Variants in PLXNA4 observed in about 807,000 individuals in gnomAD.
PLXNA4 encodes plexin-A4.
A neutral mutation model predicts 191.8 loss-of-function variants in PLXNA4; 44 were observed. That is an observed-to-expected ratio of 0.23 (90% CI 0.18 to 0.29). The LOEUF is 0.29. Ranked by LOEUF, PLXNA4 falls within the 10% of genes least tolerant of loss-of-function variation. The pLI, the probability that PLXNA4 is intolerant of heterozygous loss-of-function variation, is 1.00. For synonymous variants in PLXNA4, 1,082 were observed against 1,009.5 expected, an observed-to-expected ratio of 1.07 and a Z score of -1.36; for missense variants, 1,800 against 2,488.8, an observed-to-expected ratio of 0.72 and a Z score of 5.89.
At chr7:132,275,265 G>C (rs1012354747) in intron 4 of PLXNA4, among the ~76,000 whole-genome samples, 1 of 152,092 alleles carries the variant, frequency 6.6e-6, no homozygotes, top group African/African-American at 2.4e-5. Flanking sequence ...AAGTTGTAAA[G>C]ATAGTAAAGA....
At chr7:132,636,531 G>T (rs903138538) in intron 2 of PLXNA4, among the ~76,000 whole-genome samples, 1 of 152,180 alleles carries the variant, frequency 6.6e-6, no homozygotes, top group Non-Finnish European at 1.5e-5. Flanking sequence ...TCCCATGGTT[G>T]CTATGAAAAT....
chr7:132,395,429 G>C (rs887599485), intron 3 of PLXNA4, among the ~76,000 whole-genome samples: 2 of 152,242 alleles, frequency 1.3e-5, no homozygotes, highest in African/African-American at 4.8e-5. Flanking sequence ...AGGGACCCCA[G>C]AGAGAGTCCT....
intron 3 of PLXNA4, among the ~76,000 whole-genome samples, chr7:132,395,504 A>G (rs1024705035): frequency 1.3e-5 from 2 of 152,188 alleles, no homozygotes; most frequent in African/African-American, 2.4e-5. Flanking sequence ...ACAAAGTCCT[A>G]TTTGAAGTAT....
rs907710810 is a variant in PLXNA4, at chr7:132,310,781, C to T, written c.1372-12559G>A. Among the ~76,000 whole-genome samples the T allele has an allele frequency of 5.5e-4, 83 of 152,210 alleles. 1 individual carries two copies. Among genetic ancestry groups the T allele is most frequent in the African/African-American group, 2.0e-3 (81 of 41,456 alleles). Reference sequence around the variant, plus strand: ...TCTGCCCTAGGTTCTTCCCCTGCAGCCTCATCAAGCTACTGGGGCACCAGC... The same window carrying T: ...TCTGCCCTAGGTTCTTCCCCTGCAGTCTCATCAAGCTACTGGGGCACCAGC... On this transcript the variant is annotated intron_variant, in intron 3 of 31. Transcript: ENST00000321063.
intron 4 of PLXNA4, among the ~76,000 whole-genome samples, chr7:132,273,239 G>T (rs917248474): frequency 7.9e-5 from 12 of 151,952 alleles, no homozygotes; most frequent in South Asian, 2.1e-4. Flanking sequence ...ACCTAATGTT[G>T]GGGGAAAATA....
At chr7:132,645,011 G>C (rs545198872) in intron 2 of PLXNA4, among the ~76,000 whole-genome samples, 1 of 152,218 alleles carries the variant, frequency 6.6e-6, no homozygotes, top group Admixed American at 6.5e-5. Flanking sequence ...ACCACACCCA[G>C]TGGCTCTGGG....
intron 3 of PLXNA4, among the ~76,000 whole-genome samples, chr7:132,441,923 A>G (rs1795713805): frequency 6.6e-6 from 1 of 152,184 alleles, no homozygotes; most frequent in East Asian, 1.9e-4. Flanking sequence ...CTTCAGGGTA[A>G]GGAGTGCCAA....
intron 2 of PLXNA4, among the ~76,000 whole-genome samples, chr7:132,498,933 G>C (rs1798138177): frequency 6.6e-6 from 1 of 152,194 alleles, no homozygotes; most frequent in African/African-American, 2.4e-5. Context: ...TCATTTTGAA[G>C]TTTCTATGTG....
At chr7:132,385,752 A>G (rs548925200) in intron 3 of PLXNA4, among the ~76,000 whole-genome samples, 1 of 152,348 alleles carries the variant, frequency 6.6e-6, no homozygotes, top group Non-Finnish European at 1.5e-5. Flanking sequence ...ATGGATGCAC[A>G]CACACACACA....
intron 3 of PLXNA4, among the ~76,000 whole-genome samples, chr7:132,331,067 G>A (rs778177934): frequency 5.9e-5 from 9 of 152,088 alleles, no homozygotes; most frequent in Non-Finnish European, 8.8e-5. Context: ...GGGAGGGGCC[G>A]CTCAACCCTG....
At chr7:132,164,121 G>C (rs1205063994) in intron 24 of PLXNA4, 21 bp downstream of exon 24, 1 of 1,613,040 alleles carries the variant, frequency 6.2e-7, no homozygotes, top group Non-Finnish European at 8.5e-7. Context: ...AGCCCCAGGG[G>C]AAACAGATGG....
intron 26 of PLXNA4, 135 bp from the exon 27 acceptor site, chr7:132,148,134 C>T (rs1047360969): frequency 1.5e-6 from 2 of 1,337,614 alleles, no homozygotes; most frequent in Non-Finnish European, 1.0e-6. Context: ...TGGAGGCTGT[C>T]AGCTTTCCTT....
chr7:132,277,120 A>G (rs919436455), intron 4 of PLXNA4, among the ~76,000 whole-genome samples: 4 of 152,176 alleles, frequency 2.6e-5, no homozygotes, highest in African/African-American at 9.7e-5. Context: ...GAAGGCAAAC[A>G]TTTTTGTCTG....
At chr7:132,613,276 A>G (rs1803087904) in intron 2 of PLXNA4, among the ~76,000 whole-genome samples, 1 of 152,086 alleles carries the variant, frequency 6.6e-6, no homozygotes, top group Admixed American at 6.5e-5. Flanking sequence ...TGCTCTGTAC[A>G]TAGCTGCCTC....
Position 132,502,876 on chromosome 7 carries a change from T to A in PLXNA4, c.1188+4630A>T, listed in dbSNP as rs1017494097. Among the ~76,000 whole-genome samples the A allele has an allele frequency of 2.0e-5, 3 of 151,866 alleles. No homozygotes were observed. In the South Asian group the frequency reaches 6.2e-4, roughly 32 times the overall value. On this transcript the variant is annotated intron_variant, in intron 2 of 31. Transcript: ENST00000321063. ...GTGTTATTTCCAGACAGCCGGGAGG[T>A]CTCTGCCCTCTGCTCCCACTACTGG...
Position 132,127,703 on chromosome 7 carries a change from C to T in PLXNA4, c.*2776G>A, listed in dbSNP as rs1794807970. 6.6e-6 allele frequency: 1 copy of T among 152,110 alleles called. No individual in the cohort carries two copies. The highest frequency in any genetic ancestry group is 2.1e-4 in the South Asian group (1 of 4,820). The allele number at this position is 152,110 out of a possible 1,614,324, so 9.4% of individuals were successfully genotyped here. On this transcript the variant is annotated 3_prime_UTR_variant, in exon 32 of 32. Transcript: ENST00000321063. ...CAGCAAACAGAGCGGCAGAAACAAC[C>T]CACCCACCAATTAAAGTCAAACCAG...
chr7:132,489,549 T>C (rs1350136786), intron 2 of PLXNA4, 75 bp from the exon 3 acceptor site: 2 of 1,272,250 alleles, frequency 1.6e-6, no homozygotes, highest in African/African-American at 1.5e-5. Flanking sequence ...CAGGAAACTA[T>C]GGAGGTAGAA....
At chr7:132,501,337 C>T (rs1017260763) in intron 2 of PLXNA4, among the ~76,000 whole-genome samples, 10 of 152,100 alleles carry the variant, frequency 6.6e-5, no homozygotes, top group East Asian at 1.9e-4. Flanking sequence ...TGGGTGTGTA[C>T]GCCACTGTGC....
Position 132,487,818 on chromosome 7 carries a change from C to T in PLXNA4, c.1371+1474G>A, listed in dbSNP as rs576003000. ...GCGTCTTCCCTGGGCATCCACAAAA[C>T]TCAGTTCAATATGTGAACAAAAATC... is the stretch of plus-strand genomic sequence containing the variant. On this transcript the variant is annotated intron_variant, in intron 3 of 31. Transcript: ENST00000321063. Among the ~76,000 whole-genome samples the T allele has an allele frequency of 3.3e-5, 5 of 152,290 alleles. No individual in the cohort carries two copies. In the South Asian group the frequency reaches 8.3e-4, roughly 25 times the overall value.
Sources: gnomAD v4.1 joint callset for allele counts (sites outside exome capture counted in the v4.1 genomes callset) on GRCh38, gnomAD v4.1.1 for gene constraint, MANE v1.5 for transcripts, NCBI Gene and HGNC (gene_info 2026-07-23, HGNC 2026-07-21) for gene names.